The following CLCA1 variants were observed in gnomAD, a reference collection of about 807,000 sequenced individuals.
CLCA1 encodes chloride channel accessory 1, also known as calcium-activated chloride channel regulator 1.
A neutral mutation model predicts 85.6 loss-of-function variants in CLCA1; 59 were observed. That is an observed-to-expected ratio of 0.69 (90% CI 0.56 to 0.86). CLCA1 has a LOEUF of 0.86. CLCA1 is among the 40% of genes least tolerant of loss of function. The probability of loss-of-function intolerance (pLI) is 0.00; values close to 1 mark genes in which losing one functional copy is unlikely to be tolerated. For synonymous variants in CLCA1, 396 were observed against 398.3 expected (o/e 0.99, Z 0.07); for missense variants, 1,022 against 1,101.4 (o/e 0.93, Z 1.02).
chr1:86,476,445 C>T lies in CLCA1; in HGVS notation c.452-3C>T. 1 of 1,501,584 alleles carries T rather than the reference C, an allele frequency of 6.7e-7. No individual in the cohort carries two copies. Among genetic ancestry groups the T allele is most frequent in the Non-Finnish European group, 9.3e-7 (1 of 1,080,846 alleles). 93.0% of individuals were successfully genotyped at this position (1,501,584 alleles called of 1,614,324 possible). On this transcript the variant is annotated splice_polypyrimidine_tract_variant and splice_region_variant and intron_variant, in intron 3 of 13. Transcript: ENST00000394711. ...ATCAGTTTTTTAAAATACTTTCTCA[C>T]AGGTAGGGCATTTGTCCATGAGTGG...
intron 1 of CLCA1, among the ~76,000 whole-genome samples, chr1:86,469,972 A>G (rs1236175220): frequency 1.3e-5 from 2 of 152,224 alleles, no homozygotes; most frequent in Non-Finnish European, 2.9e-5. Context: ...ATACGGTGCA[A>G]TACTTTGCAT....
chr1:86,495,081 A>G (rs1264696400), intron 11 of CLCA1, among the ~76,000 whole-genome samples: 1 of 152,138 alleles, frequency 6.6e-6, no homozygotes, highest in Non-Finnish European at 1.5e-5. Context: ...GAAGCAAGTA[A>G]CCTTAATAGA....
chr1:86,480,184 G>A (rs1647779962), intron 4 of CLCA1, among the ~76,000 whole-genome samples: 2 of 152,012 alleles, frequency 1.3e-5, no homozygotes, highest in Admixed American at 1.3e-4. Flanking sequence ...AATAATAAAT[G>A]TGGCTACATA....
At chr1:86,476,771 C>T (rs558168775) in intron 4 of CLCA1, among the ~76,000 whole-genome samples, 1 of 149,666 alleles carries the variant, frequency 6.7e-6, no homozygotes, top group East Asian at 1.9e-4. Context: ...AAGTCATTTG[C>T]CTCCTTTTTT....
At chr1:86,471,419 A>C (rs1647496640) in intron 1 of CLCA1, among the ~76,000 whole-genome samples, 1 of 152,180 alleles carries the variant, frequency 6.6e-6, no homozygotes, top group African/African-American at 2.4e-5. Context: ...TCTCAGCCTA[A>C]GAGTCTAAAT....
chr1:86,469,085 A>C lies in CLCA1; in HGVS notation c.114A>C (p.Ala38=). The change falls in exon 1 of 14, where the codon GCA becomes GCC. Residue 38 remains alanine (A), a synonymous_variant. Coordinates refer to ENST00000394711, the MANE Select transcript of CLCA1 (RefSeq NM_001285.4). The part of the protein sequence containing the change: ...NNNGYEGIVV[A]IDPNVPEDET... The stretch of plus-strand genomic sequence containing the variant: ...ATGGCTATGAAGGCATTGTCGTTGC[A>C]ATCGACCCCAATGTGCCAGAAGATG... 1 of 1,612,562 alleles carries C rather than the reference A, an allele frequency of 6.2e-7. No individual in the cohort carries two copies. Among genetic ancestry groups the C allele is most frequent in the South Asian group, 1.1e-5 (1 of 90,698 alleles).
intron 12 of CLCA1, 41 bp downstream of exon 12, chr1:86,495,716 A>C (rs1558147014): frequency 6.4e-7 from 1 of 1,555,082 alleles, no homozygotes; most frequent in Admixed American, 1.8e-5. Context: ...GTGCAAAAGC[A>C]TTGGTTTCAA....
intron 4 of CLCA1, among the ~76,000 whole-genome samples, chr1:86,479,070 AAG>A (rs1647751437): frequency 6.6e-6 from 1 of 152,240 alleles, no homozygotes. Flanking sequence ...GGGATGTAAA[AAG>A]ATGGAAAGGA....
At chr1:86,498,841 A>G (rs769861389) in intron 13 of CLCA1, 30 bp downstream of exon 13, 3 of 1,591,740 alleles carry the variant, frequency 1.9e-6, no homozygotes, top group African/African-American at 2.7e-5. Context: ...GACCCTGTAA[A>G]AGAGTTTACC....
Position 86,500,245 on chromosome 1 carries a change from C to A in CLCA1, c.*200C>A. The A allele has an allele frequency of 2.0e-6, 1 of 491,748 alleles. No individual in the cohort carries two copies. Among genetic ancestry groups the A allele is most frequent in the Non-Finnish European group, 3.6e-6 (1 of 278,678 alleles). The allele number at this position is 491,748 out of a possible 1,614,324, so 30.5% of individuals were successfully genotyped here. Reference sequence around the variant, plus strand: ...CTGTAGGGGGCGATAAAATAAAATGCTAAACAACTGGGTATACATGCATAA... The same window carrying A: ...CTGTAGGGGGCGATAAAATAAAATGATAAACAACTGGGTATACATGCATAA... On this transcript the variant is annotated 3_prime_UTR_variant, in exon 14 of 14. Transcript: ENST00000394711.
At chr1:86,484,123 C>T (rs114368026) in intron 5 of CLCA1, among the ~76,000 whole-genome samples, 2 of 152,106 alleles carry the variant, frequency 1.3e-5, no homozygotes, top group Admixed American at 1.3e-4. Context: ...TCCCTCGACA[C>T]GTGGGGATTA....
chr1:86,469,811 C>T (rs1389935004), intron 1 of CLCA1, among the ~76,000 whole-genome samples: 2 of 152,150 alleles, frequency 1.3e-5, no homozygotes, highest in African/African-American at 2.4e-5. Context: ...TGGAATCTGG[C>T]TGTAACACAT....
At chr1:86,477,229 T>C (rs765335797) in intron 4 of CLCA1, among the ~76,000 whole-genome samples, 1 of 152,200 alleles carries the variant, frequency 6.6e-6, no homozygotes, top group Non-Finnish European at 1.5e-5. Flanking sequence ...GTGCTGGGAC[T>C]ACCTCTGACA....
At chr1:86,489,662 A>C (rs1056501237) in intron 8 of CLCA1, among the ~76,000 whole-genome samples, 2 of 152,166 alleles carry the variant, frequency 1.3e-5, no homozygotes, top group South Asian at 4.1e-4. Context: ...CACTCCCAAA[A>C]TGGAATACAA....
intron 4 of CLCA1, among the ~76,000 whole-genome samples, chr1:86,479,092 A>G (rs1206631849): frequency 6.6e-6 from 1 of 152,244 alleles, no homozygotes; most frequent in Non-Finnish European, 1.5e-5. Context: ...AAGAGAGAAA[A>G]TCATTGTTAT....
Position 86,499,956 on chromosome 1 carries a change from A to G in CLCA1, c.2656A>G (p.Asn886Asp), listed in dbSNP as rs748700845. ...SPDETSAPCP[N>D]IHINSTIPGI... ...TGATGAAACGTCTGCTCCTTGTCCTAATATTCATATCAACAGCACCATTCC... is the reference window on the plus strand; with the variant it reads ...TGATGAAACGTCTGCTCCTTGTCCTGATATTCATATCAACAGCACCATTCC... The change falls in exon 14 of 14, where the codon AAT becomes GAT. Residue 886 changes from asparagine (N) to aspartate (D), a missense_variant. Physicochemically the swap from Asn to Asp is conservative, Grantham distance 23. Coordinates refer to ENST00000394711, the MANE Select transcript of CLCA1 (RefSeq NM_001285.4). 3 of 1,612,906 alleles carry G rather than the reference A, an allele frequency of 1.9e-6. No individual in the cohort carries two copies. In the East Asian group the frequency reaches 6.7e-5, roughly 36 times the overall value.
chr1:86,488,510 G>A (rs529595514), intron 7 of CLCA1, among the ~76,000 whole-genome samples: 4 of 152,302 alleles, frequency 2.6e-5, no homozygotes, highest in African/African-American at 7.2e-5. Flanking sequence ...CAACTCATGT[G>A]ACCTAGGTAA....
At chr1:86,487,460 C>T (rs529192727) in intron 7 of CLCA1, among the ~76,000 whole-genome samples, 101 of 152,200 alleles carry the variant, frequency 6.6e-4, no homozygotes, top group Non-Finnish European at 1.1e-3. Context: ...ATTTAGGATG[C>T]CCCCTGGGGT....
intron 4 of CLCA1, among the ~76,000 whole-genome samples, chr1:86,480,979 T>G (rs1446472335): frequency 1.3e-5 from 2 of 152,212 alleles, no homozygotes; most frequent in African/African-American, 2.4e-5. Flanking sequence ...CAGGGCAAAC[T>G]TGGAAATACA....
Sources: allele counts gnomAD v4.1 joint callset (sites outside exome capture counted in the v4.1 genomes callset), GRCh38; gene constraint gnomAD v4.1.1; transcripts MANE v1.5; gene names NCBI Gene and HGNC (gene_info 2026-07-23, HGNC 2026-07-21).